Variants in HARS2 observed in about 807,000 individuals in gnomAD.
HARS2 encodes the protein histidyl-tRNA synthetase 2, mitochondrial.
Under a neutral mutation model 62.4 loss-of-function variants are expected in HARS2, and 40 were observed. The observed-to-expected ratio is 0.64, with a 90% CI of 0.50 to 0.83. HARS2 has a LOEUF of 0.83. Among genes scored for constraint, HARS2 ranks in the 40% least tolerant of loss-of-function variants. HARS2 has a pLI of 0.00. For synonymous variants in HARS2, 228 were observed against 227.0 expected (o/e 1.00, Z -0.04); for missense variants, 569 against 626.4 (o/e 0.91, Z 0.98).
chr5:140,697,762 G>A (rs1759811786), intron 11 of HARS2, 77 bp downstream of exon 11: 10 of 1,298,834 alleles, frequency 7.7e-6, no homozygotes, highest in Non-Finnish European at 1.1e-5. Context: ...TCTTATGTCT[G>A]GGGTGGAACT....
chr5:140,694,017 G>A lies in HARS2; in HGVS notation c.266G>A (p.Gly89Glu), dbSNP rs1759650762. ...DLVISCFKRH[G>E]AKGMDTPAFE... is the part of the protein sequence containing the mutation. ...GTTATCAGCTGCTTTAAACGTCATG[G>A]AGCAAAGGGGATGGACACCCCAGCA... The change falls in exon 3 of 13, where the codon GGA becomes GAA. Residue 89 changes from glycine to glutamate, a missense_variant. Gly to Glu is a moderately conservative substitution (Grantham distance 98). Transcript: ENST00000230771. 23 of 1,614,182 alleles carry A rather than the reference G, an allele frequency of 1.4e-5. No homozygotes were observed. Among genetic ancestry groups the A allele is most frequent in the Non-Finnish European group, 1.9e-5 (23 of 1,180,000 alleles).
At chr5:140,693,823 A>G in intron 2 of HARS2, 112 bp from the exon 3 acceptor site, 2 of 1,317,638 alleles carry the variant, frequency 1.5e-6, no homozygotes, top group South Asian at 2.4e-5. Context: ...ATTTGAACTC[A>G]GTAGATTTCA....
chr5:140,696,132 GT>G lies in HARS2; in HGVS notation c.666del (p.Phe222LeufsTer18). On this transcript the variant is annotated frameshift_variant, in exon 7 of 13. Transcript: ENST00000230771. LOFTEE classifies it high-confidence loss of function. The stretch of plus-strand genomic sequence containing the variant: ...ATGACCGGCGGATTGTGGATGGGAT[GT>G]TTGCTGTCTGTGGTGTTCCTGAAAG... Reference protein sequence around the residue: ...VNDRRIVDGMFAVCGVPESKF... With the variant: ...VNDRRIVDGMXAVCGVPESKF... 1 of 1,613,990 alleles carries G rather than the reference GT, an allele frequency of 6.2e-7. No homozygotes were observed. The highest frequency in any genetic ancestry group is 8.5e-7 in the Non-Finnish European group (1 of 1,179,928).
chr5:140,698,609 A>C lies in HARS2; in HGVS notation c.*57A>C. The C allele has an allele frequency of 2.3e-6, 3 of 1,329,764 alleles. No individual in the cohort carries two copies. The highest frequency in any genetic ancestry group is 3.3e-6 in the Non-Finnish European group (3 of 919,940). 82.4% of individuals were successfully genotyped at this position (1,329,764 alleles called of 1,614,324 possible). A position where few individuals can be genotyped will look rare whatever the true frequency, so the allele number is the denominator to read the frequency against. On this transcript the variant is annotated 3_prime_UTR_variant, in exon 13 of 13. Coordinates refer to ENST00000230771, the MANE Select transcript of HARS2 (RefSeq NM_012208.4). ...TAGAAAAGGTTTCCTCTAGAACTGA[A>C]TTCCTCTGGAATTGAGTGATGGACT... is the stretch of plus-strand genomic sequence containing the variant.
In HARS2 at chr5:140,698,748, G is replaced by C. The variant is rs1759864919; in HGVS notation, c.*196G>C. 1 of 643,008 alleles carries C rather than the reference G, an allele frequency of 1.6e-6. No homozygotes were observed. Among genetic ancestry groups the C allele is most frequent in the African/African-American group, 1.8e-5 (1 of 54,974 alleles). The allele number at this position is 643,008 out of a possible 1,614,324, so 39.8% of individuals were successfully genotyped here. ...CTGGGCTAGTGTGAGCAGCTATTCT[G>C]CATGGGTGCAGATGGCTGGATGTGA... On this transcript the variant is annotated 3_prime_UTR_variant, in exon 13 of 13. Transcript: ENST00000230771.
Position 140,697,955 on chromosome 5 carries a change from C to T in HARS2, c.1338C>T (p.Asn446=), listed in dbSNP as rs1759822674. 1 of 1,613,926 alleles carries T rather than the reference C, an allele frequency of 6.2e-7. No homozygotes were observed. The highest frequency in any genetic ancestry group is 2.2e-5 in the East Asian group (1 of 44,886). Residue 446 remains asparagine (N), a synonymous_variant, in exon 12 of 13, where the codon AAC becomes AAT. Coordinates refer to ENST00000230771, the MANE Select transcript of HARS2 (RefSeq NM_012208.4). The part of the protein sequence containing the change: ...GIKAEMLYKN[N]PKLLTQLHYC... ...AGGCAGAGATGCTATACAAGAACAA[C>T]CCCAAACTATTAACCCAGCTGCACT...
At chr5:140,692,533 C>A (rs1340156185) in intron 1 of HARS2, among the ~76,000 whole-genome samples, 3 of 152,174 alleles carry the variant, frequency 2.0e-5, no homozygotes, top group Non-Finnish European at 4.4e-5. Flanking sequence ...TGAGCTGGTT[C>A]CCTTGTCTTC....
At chr5:140,696,278 T>C in intron 7 of HARS2, 77 bp downstream of exon 7, 1 of 1,105,946 alleles carries the variant, frequency 9.0e-7, no homozygotes, top group East Asian at 2.3e-5. Flanking sequence ...TAGTGAAAAA[T>C]AAGGAGATTG....
intron 10 of HARS2, 34 bp downstream of exon 10, chr5:140,697,440 G>C (rs375058194): frequency 1.9e-5 from 30 of 1,613,602 alleles, no homozygotes; most frequent in Non-Finnish European, 2.4e-5. Context: ...TGGGGCTGGA[G>C]ACCTAAAAAC....
At chr5:140,696,265 C>T (rs569743932) in intron 7 of HARS2, 64 bp downstream of exon 7, 2 of 1,173,220 alleles carry the variant, frequency 1.7e-6, no homozygotes, top group East Asian at 2.3e-5. Flanking sequence ...AAATCCATAC[C>T]ACTAGTGAAA....
intron 7 of HARS2, 97 bp from the exon 8 acceptor site, chr5:140,696,424 A>G (rs1759742849): frequency 8.4e-6 from 8 of 951,400 alleles, no homozygotes; most frequent in Non-Finnish European, 1.2e-5. Context: ...ACAGTTAGCT[A>G]CTTGTGATGT....
rs1308818207 is a variant in HARS2, at chr5:140,691,660, C to T, written c.12C>T (p.Leu4=). Residue 4 remains leucine (L), a synonymous_variant, in exon 1 of 13, where the codon CTC becomes CTT. Coordinates refer to ENST00000230771, the MANE Select transcript of HARS2 (RefSeq NM_012208.4). MPL[L]GLLPRRAWAS... ...CGTCCTGCCGCGCGATGCCCCTGCT[C>T]GGACTTCTTCCCAGGAGGGCCTGGG... 1 of 1,550,166 alleles carries T rather than the reference C, an allele frequency of 6.5e-7. No homozygotes were observed. The highest frequency in any genetic ancestry group is 8.7e-7 in the Non-Finnish European group (1 of 1,146,232).
chr5:140,695,370 C>A, intron 4 of HARS2, 138 bp from the exon 5 acceptor site: 1 of 934,164 alleles, frequency 1.1e-6, no homozygotes, highest in Non-Finnish European at 1.8e-6. Flanking sequence ...ACTGCTAGGC[C>A]TTGGGGATAG....
chr5:140,697,795 C>A, intron 11 of HARS2, 110 bp downstream of exon 11: 1 of 1,200,900 alleles, frequency 8.3e-7, no homozygotes. Flanking sequence ...AGTCTGCTAG[C>A]TACTACTGGC....
At position 140,696,101 on chromosome 5, in the gene HARS2, A is replaced by C; in HGVS notation, c.634-2A>C. On this transcript the variant is annotated splice_acceptor_variant, in intron 6 of 12. Coordinates refer to ENST00000230771, the MANE Select transcript of HARS2 (RefSeq NM_012208.4). LOFTEE classifies it high-confidence loss of function. ...CTTGGGTCACTGACATTGAGTTCTC[A>C]GGTAAATGACCGGCGGATTGTGGAT... 1.9e-6 allele frequency: 3 copies of C among 1,610,238 alleles called. No individual in the cohort carries two copies. Among genetic ancestry groups the C allele is most frequent in the Non-Finnish European group, 2.6e-6 (3 of 1,176,466 alleles).
intron 8 of HARS2, 40 bp from the exon 9 acceptor site, chr5:140,696,903 A>T (rs1291117130): frequency 6.3e-7 from 1 of 1,597,072 alleles, no homozygotes; most frequent in African/African-American, 1.3e-5. Context: ...TTTGAATGAA[A>T]CACATGTGAG....
At position 140,697,742 on chromosome 5, in the gene HARS2, G is replaced by T. The variant is rs893327008; in HGVS notation, c.1314+57G>T. ...GTATGTGTGGAATTTAGGACCCAGG[G>T]CTATATCTATCTTATGTCTGGGGTG... On this transcript the variant is annotated intron_variant, in intron 11 of 12. Coordinates refer to ENST00000230771, the MANE Select transcript of HARS2 (RefSeq NM_012208.4). 4 of 1,320,916 alleles carry T rather than the reference G, an allele frequency of 3.0e-6. No homozygotes were observed. The African/African-American group carries it at 5.8e-5, about 19-fold the overall frequency. 81.8% of individuals were successfully genotyped at this position (1,320,916 alleles called of 1,614,324 possible).
chr5:140,692,665 G>A (rs747683048), intron 1 of HARS2, among the ~76,000 whole-genome samples: 5 of 152,142 alleles, frequency 3.3e-5, no homozygotes, highest in Non-Finnish European at 7.4e-5. Context: ...GGCCAAGGGG[G>A]GTGGATCACC....
intron 6 of HARS2, 86 bp downstream of exon 6, chr5:140,695,931 C>G (rs1278080586): frequency 9.3e-7 from 1 of 1,078,698 alleles, no homozygotes; most frequent in Non-Finnish European, 1.4e-6. Flanking sequence ...TGACTCCAAC[C>G]CTTAAGCCTG....
Sources: gnomAD v4.1 joint callset for allele counts (sites outside exome capture counted in the v4.1 genomes callset) on GRCh38, gnomAD v4.1.1 for gene constraint, MANE v1.5 for transcripts, NCBI Gene and HGNC (gene_info 2026-07-23, HGNC 2026-07-21) for gene names.